CD163L1: variants seen among roughly 807,000 people sequenced by gnomAD.
CD163L1 encodes the protein scavenger receptor cysteine-rich type 1 protein M160.
A neutral mutation model predicts 165.4 loss-of-function variants in CD163L1; 124 were observed. The observed-to-expected ratio is 0.75, with a 90% CI of 0.65 to 0.87. CD163L1 has a LOEUF of 0.87. Among genes scored for constraint, CD163L1 ranks in the 40% least tolerant of loss-of-function variants. The pLI is 0.00. For missense variants in CD163L1, 1,525 were observed against 1,799.9 expected, an observed-to-expected ratio of 0.85 and a Z score of 2.76; for synonymous variants, 585 against 662.2, an observed-to-expected ratio of 0.88 and a Z score of 1.79.
At chr12:7,350,836 T>G (rs957124342), downstream of CD163L1, among the ~76,000 whole-genome samples, 1 of 152,164 alleles carries the variant, frequency 6.6e-6, no homozygotes, top group Non-Finnish European at 1.5e-5. Context: ...CCATTTAGCA[T>G]TTACTCCATT....
At chr12:7,408,586 T>C (rs1266830296) in intron 4 of CD163L1, among the ~76,000 whole-genome samples, 1 of 152,230 alleles carries the variant, frequency 6.6e-6, no homozygotes, top group Admixed American at 6.5e-5. Flanking sequence ...ACCTCAAAAA[T>C]GTGTATTTTA....
At chr12:7,333,279 T>A in the CD163L1 span, among the ~76,000 whole-genome samples, 2 of 152,184 alleles carry the variant, frequency 1.3e-5, no homozygotes, top group African/African-American at 4.8e-5. Flanking sequence ...ACAAAAATTA[T>A]AACAAACTGT....
At chr12:7,355,771 AGAC>A (rs1370283423) in intron 19 of CD163L1, among the ~76,000 whole-genome samples, 1 of 152,160 alleles carries the variant, frequency 6.6e-6, no homozygotes, top group Non-Finnish European at 1.5e-5. Context: ...ATTAGATCAC[AGAC>A]AACACAGACC....
chr12:7,331,541 G>T, the CD163L1 span, among the ~76,000 whole-genome samples: 1 of 152,228 alleles, frequency 6.6e-6, no homozygotes. Flanking sequence ...CCCAGTAGGG[G>T]CGGACTGACA....
At position 7,369,382 on chromosome 12, in the gene CD163L1, C is replaced by A. The variant is rs1488322548; in HGVS notation, c.4014G>T (p.Lys1338Asn). The A allele has an allele frequency of 6.2e-7, 1 of 1,614,196 alleles. No homozygotes were observed. The highest frequency in any genetic ancestry group is 1.1e-5 in the South Asian group (1 of 91,090). ...CAGAGCACCTCACGCCAGCATCTTC[C>A]TTGTGTCCACAGTCACTCTGTCCCC... ...KPWGQSDCGH[K>N]EDAGVRCSGQ... The change falls in exon 15 of 20, where the codon AAG (lysine) becomes AAT (asparagine). Residue 1338 changes from lysine to asparagine, a missense_variant. By Grantham distance (94) the Lys-to-Asn change is moderately conservative. Transcript: ENST00000313599. The surrounding 1 kb of genome is among the most constrained non-coding windows in gnomAD (Gnocchi z 4.9).
intron 2 of CD163L1, among the ~76,000 whole-genome samples, chr12:7,438,557 T>C (rs948254356): frequency 6.6e-6 from 1 of 152,222 alleles, no homozygotes; most frequent in African/African-American, 2.4e-5. Context: ...ATCCTGATTT[T>C]TGCTCACAAA....
At chr12:7,422,137 A>G (rs1010104251) in intron 4 of CD163L1, among the ~76,000 whole-genome samples, 4 of 152,104 alleles carry the variant, frequency 2.6e-5, no homozygotes, top group African/African-American at 9.7e-5. Context: ...GCTGGTGATA[A>G]CTAGGCAAAT....
At chr12:7,328,518 G>A in the CD163L1 span, 1 of 537,108 alleles carries the variant, frequency 1.9e-6, no homozygotes, top group East Asian at 4.3e-5. Flanking sequence ...TTTTTACTTA[G>A]CTAAAAAGTT....
chr12:7,350,706 G>A (rs146806292), downstream of CD163L1, among the ~76,000 whole-genome samples: 2 of 152,110 alleles, frequency 1.3e-5, no homozygotes, highest in East Asian at 3.9e-4. Context: ...GTCAATTCTA[G>A]ATGTTTTGAT....
intron 2 of CD163L1, chr12:7,439,224 C>G: frequency 6.3e-7 from 1 of 1,580,166 alleles, no homozygotes; most frequent in South Asian, 1.2e-5. Flanking sequence ...TGGGATTCGA[C>G]AAATTTTCTT....
intron 8 of CD163L1, among the ~76,000 whole-genome samples, chr12:7,393,395 A>G (rs978195601): frequency 6.6e-6 from 1 of 152,198 alleles, no homozygotes; most frequent in Non-Finnish European, 1.5e-5. Context: ...AAAACTCTCA[A>G]TAAACTAGGT....
chr12:7,436,219 T>C (rs1332382512), intron 2 of CD163L1, among the ~76,000 whole-genome samples: 2 of 152,194 alleles, frequency 1.3e-5, no homozygotes, highest in Non-Finnish European at 2.9e-5. Flanking sequence ...TTATGCTTAA[T>C]GATTTGTATA....
chr12:7,357,824 TAGG>T (rs1946809097), intron 18 of CD163L1, among the ~76,000 whole-genome samples: 1 of 152,106 alleles, frequency 6.6e-6, no homozygotes, highest in African/African-American at 2.4e-5. Flanking sequence ...TGTCTAAAGA[TAGG>T]AGAGTACTAA....
In CD163L1 at chr12:7,398,551, G is replaced by C. The variant is rs755198715; in HGVS notation, c.1442C>G (p.Ala481Gly). Residue 481 changes from alanine (A) to glycine (G), a missense_variant, in exon 7 of 20, where the codon GCT (alanine) becomes GGT (glycine). Coordinates refer to ENST00000313599, the MANE Select transcript of CD163L1 (RefSeq NM_174941.6). This position sits in a 1 kb window ranked among gnomAD's most constrained non-coding sequence, Gnocchi z 4.5. ...KADLDLRLVG[A>G]HSPCYGRLEV... The stretch of plus-strand genomic sequence containing the variant: ...CAATCTCCCATAACAGGGGCTATGA[G>C]CCCCGACAAGCCTTAGGTCCAGATC... 12 of 1,600,138 alleles carry C rather than the reference G, an allele frequency of 7.5e-6. No homozygotes were observed. Among genetic ancestry groups the C allele is most frequent in the Non-Finnish European group, 1.0e-5 (12 of 1,173,684 alleles).
Position 7,388,764 on chromosome 12 carries a change from T to TGG in CD163L1, c.2050+7329_2050+7330dup, listed in dbSNP as rs200736318. On this transcript the variant is annotated intron_variant, in intron 8 of 19. Coordinates refer to ENST00000313599, the MANE Select transcript of CD163L1 (RefSeq NM_174941.6). ...GTTTCAAAAAAAAAAAAAAACAAAG[T>TGG]GGGGGGGGCAAAGGATAGGAATAGA... 1.5e-3 allele frequency among the ~76,000 whole-genome samples: 201 copies of TGG among 135,184 alleles called. 1 individual carries two copies. Among genetic ancestry groups the TGG allele is most frequent in the African/African-American group, 5.4e-3 (196 of 36,322 alleles). The allele number at this position is 135,184 out of a possible 152,430, so 88.7% of individuals were successfully genotyped here. A position where few individuals can be genotyped will look rare whatever the true frequency, so the allele number is the denominator to read the frequency against.
At chr12:7,337,713 T>C in the CD163L1 span, among the ~76,000 whole-genome samples, 2 of 151,906 alleles carry the variant, frequency 1.3e-5, no homozygotes, top group African/African-American at 2.4e-5. Flanking sequence ...TTTTACACTG[T>C]TATTAGTAGT....
At position 7,396,244 on chromosome 12, in the gene CD163L1, C is replaced by T; in HGVS notation, c.1901G>A (p.Gly634Asp). 1 of 1,614,182 alleles carries T rather than the reference C, an allele frequency of 6.2e-7. No homozygotes were observed. The highest frequency in any genetic ancestry group is 8.5e-7 in the Non-Finnish European group (1 of 1,180,034). Residue 634 changes from glycine to aspartate, a missense_variant, in exon 8 of 20, where the codon GGT becomes GAT. Coordinates refer to ENST00000313599, the MANE Select transcript of CD163L1 (RefSeq NM_174941.6). ...ATATCCTGTAGAAGCGTTTCCCAGACCCATGCCAATGATAGAAGATGGGCA... is the reference window on the plus strand; with the variant it reads ...ATATCCTGTAGAAGCGTTTCCCAGATCCATGCCAATGATAGAAGATGGGCA... ...LDCPSSIIGM[G>D]LGNASTGYGK...
the CD163L1 span, among the ~76,000 whole-genome samples, chr12:7,337,710 C>G: frequency 2.0e-5 from 3 of 152,170 alleles, no homozygotes; most frequent in African/African-American, 7.2e-5. Flanking sequence ...CGCTTTTACA[C>G]TGTTATTAGT....
chr12:7,440,602 C>T (rs1219185079), intron 2 of CD163L1, among the ~76,000 whole-genome samples: 1 of 150,052 alleles, frequency 6.7e-6, no homozygotes, highest in Non-Finnish European at 1.5e-5. Flanking sequence ...AGACATTTTA[C>T]GTTTGGAAAC....
Sources: allele counts gnomAD v4.1 joint callset (sites outside exome capture counted in the v4.1 genomes callset), GRCh38; gene constraint gnomAD v4.1.1; non-coding constraint Gnocchi (gnomAD v3.1); transcripts MANE v1.5; gene names NCBI Gene and HGNC (gene_info 2026-07-23, HGNC 2026-07-21).